The following NAALADL2 variants were observed in gnomAD, a reference collection of about 807,000 sequenced individuals.
NAALADL2 encodes the protein N-acetylated alpha-linked acidic dipeptidase like 2.
Under a neutral mutation model 87.2 loss-of-function variants are expected in NAALADL2, and 76 were observed. That is an observed-to-expected ratio of 0.87 (90% CI 0.72 to 1.05). NAALADL2 has a LOEUF of 1.05. NAALADL2 is among the 50% of genes least tolerant of loss of function. NAALADL2 has a pLI of 0.00. For missense variants in NAALADL2, 1,089 were observed against 945.8 expected, an observed-to-expected ratio of 1.15 and a Z score of -1.99; for synonymous variants, 354 against 331.0, an observed-to-expected ratio of 1.07 and a Z score of -0.75.
chr3:175,116,765 A>G (rs907849888), intron 2 of NAALADL2, among the ~76,000 whole-genome samples: 1 of 152,014 alleles, frequency 6.6e-6, no homozygotes, highest in Non-Finnish European at 1.5e-5. Flanking sequence ...CAAAAACTTT[A>G]AAGTCCATAT....
intron 1 of NAALADL2, among the ~76,000 whole-genome samples, chr3:174,532,640 G>T (rs543479988): frequency 3.9e-5 from 6 of 152,034 alleles, no homozygotes; most frequent in African/African-American, 1.5e-4. Flanking sequence ...AGGAAAATTC[G>T]GTTGAGCCCC....
At chr3:175,534,537 G>A (rs1382822325) in intron 9 of NAALADL2, among the ~76,000 whole-genome samples, 1 of 152,092 alleles carries the variant, frequency 6.6e-6, no homozygotes, top group African/African-American at 2.4e-5. Flanking sequence ...AAAATAAAAA[G>A]GAGCACACAA....
intron 2 of NAALADL2, among the ~76,000 whole-genome samples, chr3:175,184,262 C>T (rs1273842324): frequency 1.3e-5 from 2 of 152,000 alleles, no homozygotes; most frequent in South Asian, 2.1e-4. Context: ...CCTTTAGAGC[C>T]TCAGAACTTT....
At chr3:174,954,199 A>G (rs1295422024) in intron 1 of NAALADL2, among the ~76,000 whole-genome samples, 1 of 152,098 alleles carries the variant, frequency 6.6e-6, no homozygotes, top group Non-Finnish European at 1.5e-5. Context: ...CTCACTGGAG[A>G]ATTTTACTGA....
intron 12 of NAALADL2, among the ~76,000 whole-genome samples, chr3:175,748,016 T>C (rs1746148216): frequency 6.6e-6 from 1 of 152,166 alleles, no homozygotes; most frequent in Non-Finnish European, 1.5e-5. Context: ...TGCTTTTTTT[T>C]TTAAAGTAAC....
chr3:174,662,652 C>T (rs1725607877), intron 2 of NAALADL2, among the ~76,000 whole-genome samples: 1 of 152,192 alleles, frequency 6.6e-6, no homozygotes, highest in African/African-American at 2.4e-5. Context: ...ATGAGATGGT[C>T]TGCAAGAAAA....
chr3:174,618,524 C>T (rs1249216537), intron 2 of NAALADL2, among the ~76,000 whole-genome samples: 2 of 151,632 alleles, frequency 1.3e-5, no homozygotes, highest in South Asian at 2.1e-4. Context: ...ATTTCCTGCC[C>T]TAGAGTACAG....
At chr3:175,475,024 TACACAC>T (rs3040495) in intron 9 of NAALADL2, among the ~76,000 whole-genome samples, 13 of 149,612 alleles carry the variant, frequency 8.7e-5, no homozygotes, top group African/African-American at 1.7e-4. Context: ...AACATTTAAG[TACACAC>T]ACACACACAC....
intron 2 of NAALADL2, among the ~76,000 whole-genome samples, chr3:174,637,776 G>T (rs1347409900): frequency 6.6e-6 from 1 of 151,906 alleles, no homozygotes; most frequent in East Asian, 1.9e-4. Flanking sequence ...TTCATTTATA[G>T]AAAAATACAC....
chr3:174,748,254 A>G (rs1734471527), intron 3 of NAALADL2, among the ~76,000 whole-genome samples: 1 of 152,174 alleles, frequency 6.6e-6, no homozygotes, highest in African/African-American at 2.4e-5. Context: ...GCAAACCACT[A>G]TGGCACATGT....
chr3:175,076,428 C>T (rs182966832), intron 1 of NAALADL2, among the ~76,000 whole-genome samples: 1 of 149,272 alleles, frequency 6.7e-6, no homozygotes, highest in Admixed American at 6.7e-5. Flanking sequence ...TAAAAGATAA[C>T]TCTGATAGCA....
chr3:175,517,942 C>CTAATCTTGT (rs1732113134), intron 9 of NAALADL2, among the ~76,000 whole-genome samples: 1 of 152,116 alleles, frequency 6.6e-6, no homozygotes, highest in African/African-American at 2.4e-5. Flanking sequence ...CCACCCCACC[C>CTAATCTTGT]TAATCTTGTT....
rs573568595 is a variant in NAALADL2, at chr3:174,621,331, C to T, written c.-115+70694C>T. ...CAAGTCTGCTTTCAAGGAAAAAAAA[C>T]GAATCAATGAAAAATAGCAGTTGGA... On this transcript the variant is annotated intron_variant, in intron 2 of 3. Transcript: ENST00000434257. Among the ~76,000 whole-genome samples, 32 of 151,976 alleles carry T rather than the reference C, an allele frequency of 2.1e-4. No individual in the cohort carries two copies. In the East Asian group the frequency reaches 2.3e-3, roughly 11 times the overall value.
intron 4 of NAALADL2, among the ~76,000 whole-genome samples, chr3:175,306,840 G>C (rs1022404023): frequency 6.6e-6 from 1 of 151,998 alleles, no homozygotes; most frequent in African/African-American, 2.4e-5. Context: ...GAACTTCTTA[G>C]AGATACTCTA....
At chr3:175,471,170 T>C (rs1237097100) in intron 8 of NAALADL2, among the ~76,000 whole-genome samples, 1 of 152,058 alleles carries the variant, frequency 6.6e-6, no homozygotes, top group African/African-American at 2.4e-5. Context: ...CACTATTACA[T>C]AGTATAGGAT....
intron 5 of NAALADL2, among the ~76,000 whole-genome samples, chr3:175,358,021 T>A (rs1764581478): frequency 6.6e-6 from 1 of 152,134 alleles, no homozygotes; most frequent in South Asian, 2.1e-4. Context: ...TATGGAATTA[T>A]CAAATGTAGA....
chr3:174,973,670 T>C (rs1743996455), intron 1 of NAALADL2, among the ~76,000 whole-genome samples: 1 of 152,228 alleles, frequency 6.6e-6, no homozygotes, highest in Non-Finnish European at 1.5e-5. Context: ...GAAACCTAGA[T>C]GGCATAGCCT....
At chr3:175,340,962 GA>G (rs1268915747) in intron 5 of NAALADL2, among the ~76,000 whole-genome samples, 1 of 151,278 alleles carries the variant, frequency 6.6e-6, no homozygotes, top group East Asian at 1.9e-4. Flanking sequence ...CCTTAGCCTA[GA>G]AAATCCATTT....
intron 11 of NAALADL2, among the ~76,000 whole-genome samples, chr3:175,702,225 G>A (rs9816297): frequency 0.017 from 2,530 of 152,122 alleles, 58 homozygotes; most frequent in African/African-American, 0.058. Context: ...AAGATTTGTT[G>A]TTCTCTCTCT....
Sources: allele counts gnomAD v4.1 joint callset (sites outside exome capture counted in the v4.1 genomes callset), GRCh38; gene constraint gnomAD v4.1.1; transcripts MANE v1.5; gene names NCBI Gene and HGNC (gene_info 2026-07-23, HGNC 2026-07-21).